Variants in RBM5 observed in about 807,000 individuals in gnomAD.
The protein encoded by RBM5 is RNA-binding protein 5.
A neutral mutation model predicts 124.6 loss-of-function variants in RBM5; 15 were observed. That is an observed-to-expected ratio of 0.12 (90% CI 0.08 to 0.19). The LOEUF (loss-of-function observed/expected upper bound fraction) is 0.19. Among genes scored for constraint, RBM5 ranks in the 10% least tolerant of loss-of-function variants. The pLI, the probability that RBM5 is intolerant of heterozygous loss-of-function variation, is 1.00. For synonymous variants in RBM5, 337 were observed against 361.2 expected (o/e 0.93, Z 0.76); for missense variants, 580 against 1,026.5 (o/e 0.57, Z 5.94).
At chr3:50,095,303 G>C (rs1010308881) in intron 4 of RBM5, among the ~76,000 whole-genome samples, 1 of 152,148 alleles carries the variant, frequency 6.6e-6, no homozygotes, top group Non-Finnish European at 1.5e-5. Context: ...GTCTTCATTA[G>C]CTCCTAGAAG....
intron 4 of RBM5, chr3:50,094,472 G>C (rs559964360): frequency 6.6e-6 from 1 of 152,228 alleles, no homozygotes; most frequent in African/African-American, 2.4e-5. Flanking sequence ...AACAATGTGT[G>C]CTTTGTTTTT....
rs778536662 is a variant in RBM5 at position 50,092,170 on chromosome 3, G to A, written c.145G>A (p.Asp49Asn). The change falls in exon 3 of 25, where the codon GAT becomes AAT. Residue 49 changes from aspartate (D) to asparagine (N), a missense_variant. Physicochemically the swap from Asp to Asn is conservative, Grantham distance 23. Transcript: ENST00000347869. Reference sequence around the variant, plus strand: ...AAGATCTAGTGATGATCGGAGGGGTGATAGATATGATGACTACCGAGACTA... The same window carrying A: ...AAGATCTAGTGATGATCGGAGGGGTAATAGATATGATGACTACCGAGACTA... ...YKRSSDDRRG[D>N]RYDDYRDYDS... The A allele has an allele frequency of 3.2e-5, 51 of 1,613,846 alleles. No homozygotes were observed. The highest frequency in any genetic ancestry group is 4.2e-5 in the Non-Finnish European group (50 of 1,180,010).
At chr3:50,092,341 C>T (rs776009367) in intron 3 of RBM5, 133 bp downstream of exon 3, 205 of 931,918 alleles carry the variant, frequency 2.2e-4, no homozygotes, top group Non-Finnish European at 2.9e-4. Flanking sequence ...GCGGCCAGAT[C>T]ACTTGAGGTC....
Position 50,092,219 on chromosome 3 carries a change from A to G in RBM5, c.183+11A>G. ...TATGACAGTCCAGAGGTGAGTGACC[A>G]GCGGCTGTATAACCCCCCAAAACAC... On this transcript the variant is annotated intron_variant, in intron 3 of 24. Transcript: ENST00000347869. 6.2e-7 allele frequency: 1 copy of G among 1,610,666 alleles called. No individual in the cohort carries two copies. Among genetic ancestry groups the G allele is most frequent in the Non-Finnish European group, 8.5e-7 (1 of 1,178,794 alleles).
chr3:50,105,814 C>CA, intron 10 of RBM5, 105 bp downstream of exon 10: 1 of 1,242,222 alleles, frequency 8.1e-7, no homozygotes. Flanking sequence ...GCCCAAGATG[C>CA]AAGGCTCCCT....
In RBM5 at chr3:50,118,688, C is replaced by G. The variant is rs945484758; in HGVS notation, c.*232C>G. 17 of 605,378 alleles carry G rather than the reference C, an allele frequency of 2.8e-5. No individual in the cohort carries two copies. Among genetic ancestry groups the G allele is most frequent in the Admixed American group, 2.4e-4 (8 of 33,324 alleles). The allele number at this position is 605,378 out of a possible 1,614,324, so 37.5% of individuals were successfully genotyped here. A position where few individuals can be genotyped will look rare whatever the true frequency, so the allele number is the denominator to read the frequency against. On this transcript the variant is annotated 3_prime_UTR_variant, in exon 25 of 25. Transcript: ENST00000347869. ...GGGCTTGTGAACAGACCGGAGAGGA[C>G]AGTGGATTGTTTATACTCCAGTGTA...
chr3:50,118,098 G>T, intron 24 of RBM5: 1 of 565,440 alleles, frequency 1.8e-6, no homozygotes, highest in East Asian at 3.0e-5. Context: ...TGCTTGCTGA[G>T]CAGGCATTGA....
At position 50,115,223 on chromosome 3, in the gene RBM5, G is replaced by GT. The variant is rs2091224826; in HGVS notation, c.1840-203dup. 9.2e-6 allele frequency: 5 copies of GT among 542,792 alleles called. No individual in the cohort carries two copies. The South Asian group carries it at 1.3e-4, about 14-fold the overall frequency. The allele number at this position is 542,792 out of a possible 1,614,324, so 33.6% of individuals were successfully genotyped here. A position where few individuals can be genotyped will look rare whatever the true frequency, so the allele number is the denominator to read the frequency against. On this transcript the variant is annotated intron_variant, in intron 20 of 24. Transcript: ENST00000347869. Reference sequence around the variant, plus strand: ...AATCCATTTCTTAGGCTCCAAGAAGGTTGGTACCAGGAGGCTGTCAGGCCT... The same window carrying GT: ...AATCCATTTCTTAGGCTCCAAGAAGGTTTGGTACCAGGAGGCTGTCAGGCCT...
At chr3:50,115,154 C>T (rs150600989) in intron 20 of RBM5, 164 of 351,830 alleles carry the variant, frequency 4.7e-4, no homozygotes, top group African/African-American at 3.4e-3. Flanking sequence ...GGCAACAGAG[C>T]GAGACTCCTT....
chr3:50,111,882 G>A (rs2091151049), intron 17 of RBM5, among the ~76,000 whole-genome samples: 1 of 152,038 alleles, frequency 6.6e-6, no homozygotes, highest in Non-Finnish European at 1.5e-5. Flanking sequence ...ACCGGGAGCT[G>A]TATATATAGA....
In RBM5 at chr3:50,114,051, G is replaced by A. The variant is rs1216450937; in HGVS notation, c.1719G>A (p.Arg573=). Residue 573 remains arginine (R), a synonymous_variant, in exon 19 of 25, where the codon AGG becomes AGA. Coordinates refer to ENST00000347869, the MANE Select transcript of RBM5 (RefSeq NM_005778.4). ...TCAATTCCTTGAGGGAAGAAGAAAG[G>A]AGAGAATCTGCTGCAGCAGACGCTG... ...QPVNSLREEE[R]RESAAADAGF... The A allele has an allele frequency of 6.2e-7, 1 of 1,614,200 alleles. No individual in the cohort carries two copies. The highest frequency in any genetic ancestry group is 1.7e-5 in the Admixed American group (1 of 60,020).
At chr3:50,094,156 ATTT>A (rs145309164) in intron 4 of RBM5, 50 of 165,512 alleles carry the variant, frequency 3.0e-4, no homozygotes, top group East Asian at 1.2e-3. Context: ...ACTTTAAATA[ATTT>A]TTTTTTTTTT....
chr3:50,116,062 C>G, intron 22 of RBM5, 82 bp downstream of exon 22: 1 of 1,339,834 alleles, frequency 7.5e-7, no homozygotes, highest in Non-Finnish European at 1.1e-6. Context: ...AGTTCCAGAT[C>G]CCAGGGGCAG....
chr3:50,113,788 T>C lies in RBM5; in HGVS notation c.1618-162T>C, dbSNP rs2091191116. 2.0e-5 allele frequency among the ~76,000 whole-genome samples: 3 copies of C among 152,244 alleles called. No individual in the cohort carries two copies. In the South Asian group the frequency reaches 6.2e-4, roughly 32 times the overall value. ...TTTCAAGCAGTATTTATGAATGACT[T>C]TGGTTATATGTGATAACATCTAATG... On this transcript the variant is annotated intron_variant, in intron 18 of 24. Transcript: ENST00000347869.
At chr3:50,095,699 G>A (rs2090799491) in intron 4 of RBM5, among the ~76,000 whole-genome samples, 1 of 151,838 alleles carries the variant, frequency 6.6e-6, no homozygotes, top group Non-Finnish European at 1.5e-5. Flanking sequence ...CTGTATTCAT[G>A]ACTTTTGTGT....
chr3:50,096,333 A>T (rs1028898103), intron 4 of RBM5, among the ~76,000 whole-genome samples: 1 of 151,922 alleles, frequency 6.6e-6, no homozygotes. Flanking sequence ...CCAAAAAAAA[A>T]AAAAAATAGC....
rs527815763 is a variant in RBM5 at position 50,096,141 on chromosome 3, A to C, written c.339+2266A>C. On this transcript the variant is annotated intron_variant, in intron 4 of 24. Transcript: ENST00000347869. Reference sequence around the variant, plus strand: ...CAGAGCTATGGATCTTGCCTCAAAAAAGCTTATGGATGAGTAGCTAAGGTC... The same window carrying C: ...CAGAGCTATGGATCTTGCCTCAAAACAGCTTATGGATGAGTAGCTAAGGTC... 2.0e-5 allele frequency among the ~76,000 whole-genome samples: 3 copies of C among 152,230 alleles called. No individual in the cohort carries two copies. The South Asian group carries it at 6.2e-4, about 32-fold the overall frequency.
At position 50,108,319 on chromosome 3, in the gene RBM5, C is replaced by A; in HGVS notation, c.1192+15C>A. On this transcript the variant is annotated intron_variant, in intron 14 of 24. Transcript: ENST00000347869. ...ATCTGCATCAGGTAGTAAACTTCATCTCCCTTTTACCTTTTGTTTAAGCAC... is the reference window on the plus strand; with the variant it reads ...ATCTGCATCAGGTAGTAAACTTCATATCCCTTTTACCTTTTGTTTAAGCAC... 6.3e-7 allele frequency: 1 copy of A among 1,591,720 alleles called. No homozygotes were observed. Among genetic ancestry groups the A allele is most frequent in the Non-Finnish European group, 8.6e-7 (1 of 1,159,582 alleles).
At position 50,100,307 on chromosome 3, in the gene RBM5, C is replaced by T. The variant is rs919815119; in HGVS notation, c.410-225C>T. The T allele has an allele frequency of 1.8e-6, 1 of 548,692 alleles. No homozygotes were observed. Among genetic ancestry groups the T allele is most frequent in the South Asian group, 2.9e-5 (1 of 34,124 alleles). The allele number at this position is 548,692 out of a possible 1,614,324, so 34.0% of individuals were successfully genotyped here. On this transcript the variant is annotated intron_variant, in intron 5 of 24. Coordinates refer to ENST00000347869, the MANE Select transcript of RBM5 (RefSeq NM_005778.4). This position sits in a 1 kb window ranked among gnomAD's most constrained non-coding sequence, Gnocchi z 5.1. ...TTTTTTTTTTGACTATAGTCGGTTG[C>T]ATGGTTACTTTAAGCGTGGAATCAA...
Sources: gnomAD v4.1 joint callset for allele counts (sites outside exome capture counted in the v4.1 genomes callset) on GRCh38, gnomAD v4.1.1 for gene constraint, Gnocchi (gnomAD v3.1) non-coding constraint, MANE v1.5 for transcripts, NCBI Gene and HGNC (gene_info 2026-07-23, HGNC 2026-07-21) for gene names.